Variants in RUNDC3A observed in about 807,000 individuals in gnomAD.
RUNDC3A encodes RUN domain containing 3A.
Under a neutral mutation model 53.9 loss-of-function variants are expected in RUNDC3A, and 28 were observed. The ratio of observed to expected loss-of-function variants is 0.52; its 90% CI spans 0.38 to 0.71. The LOEUF (loss-of-function observed/expected upper bound fraction) is 0.71, where lower values mean the gene tolerates loss of function less well. Ranked by LOEUF, RUNDC3A falls within the 30% of genes least tolerant of loss-of-function variation. RUNDC3A has a pLI of 0.00. For synonymous variants in RUNDC3A, 232 were observed against 249.4 expected, an observed-to-expected ratio of 0.93 and a Z score of 0.66; for missense variants, 491 against 597.3, an observed-to-expected ratio of 0.82 and a Z score of 1.85.
rs1179633207 is a variant in RUNDC3A, at chr17:44,316,584, C to G, written c.1092-35C>G. The G allele has an allele frequency of 4.5e-6, 7 of 1,566,476 alleles. No homozygotes were observed. In the African/African-American group the frequency reaches 9.5e-5, roughly 21 times the overall value. On this transcript the variant is annotated intron_variant, in intron 9 of 10. Transcript: ENST00000426726. ...GGGTCGTCCTGGGGAAGAAGGGCTT[C>G]CTCTACCGGCGCACCAGCTCTCGCT...
intron 1 of RUNDC3A, chr17:44,311,068 C>T (rs980825565): frequency 2.0e-6 from 2 of 985,086 alleles, no homozygotes; most frequent in African/African-American, 1.7e-5. Flanking sequence ...CAGAGGGGCC[C>T]AAGGCCACGT....
chr17:44,314,470 A>C, intron 4 of RUNDC3A: 1 of 1,373,018 alleles, frequency 7.3e-7, no homozygotes, highest in East Asian at 2.7e-5. Flanking sequence ...CCTGATATGA[A>C]GGATCTGGGT....
At chr17:44,317,262 G>C (rs1349289594) in intron 10 of RUNDC3A, 2 of 613,640 alleles carry the variant, frequency 3.3e-6, no homozygotes, top group East Asian at 5.5e-5. Context: ...GACCATGTGA[G>C]CTTGGTCAAT....
At position 44,314,766 on chromosome 17, in the gene RUNDC3A, C is replaced by T; in HGVS notation, c.490C>T (p.Arg164Trp). 1 of 1,609,118 alleles carries T rather than the reference C, an allele frequency of 6.2e-7. No homozygotes were observed. Among genetic ancestry groups the T allele is most frequent in the Non-Finnish European group, 8.5e-7 (1 of 1,178,206 alleles). The change falls in exon 5 of 11, where the codon CGG becomes TGG. Residue 164 changes from arginine (R) to tryptophan (W), a missense_variant. Coordinates refer to ENST00000426726, the MANE Select transcript of RUNDC3A (RefSeq NM_001144825.2). The stretch of plus-strand genomic sequence containing the variant: ...CTATGACTCTGGAGCCATCATGCTG[C>T]GGGATGAAGCCACCATCCTCACCGG... ...RFYDSGAIMLRDEATILTGML... is the reference protein window; with the variant it reads ...RFYDSGAIMLWDEATILTGML...
chr17:44,312,519 C>T (rs2047767213), intron 1 of RUNDC3A, 61 bp from the exon 2 acceptor site: 2 of 945,614 alleles, frequency 2.1e-6, no homozygotes, highest in South Asian at 3.0e-5. Flanking sequence ...CTGTCTCTCC[C>T]TCCATCACCT....
rs1365137699 is a variant in RUNDC3A, at chr17:44,313,450, G to A, written c.405G>A (p.Glu135=). Residue 135 remains glutamate (E), a synonymous_variant, in exon 4 of 11, where the codon GAG becomes GAA. Coordinates refer to ENST00000426726, the MANE Select transcript of RUNDC3A (RefSeq NM_001144825.2). ...GRAWIRVALM[E]KRMSEYITTA... ...CATGGATCCGGGTGGCACTGATGGA[G>A]AAGCGCATGTCAGAATACATCACCA... 6 of 1,613,816 alleles carry A rather than the reference G, an allele frequency of 3.7e-6. No homozygotes were observed. The highest frequency in any genetic ancestry group is 1.3e-5 in the African/African-American group (1 of 74,906).
Position 44,315,256 on chromosome 17 carries a change from A to G in RUNDC3A, c.731A>G (p.Glu244Gly). The G allele has an allele frequency of 6.4e-7, 1 of 1,550,400 alleles. No individual in the cohort carries two copies. The highest frequency in any genetic ancestry group is 8.7e-7 in the Non-Finnish European group (1 of 1,146,752). Residue 244 changes from glutamate to glycine, a missense_variant, in exon 7 of 11, where the codon GAG (glutamate) becomes GGG (glycine). Glu to Gly is a moderately conservative substitution (Grantham distance 98, BLOSUM62 -2). Around this residue, in one of 2 missense-constraint regions of RUNDC3A, gnomAD observed 273 missense variants for 389.0 expected, o/e 0.70. Transcript: ENST00000426726. The surrounding 1 kb of genome is among the most constrained non-coding windows in gnomAD (Gnocchi z 6.1). ...CCGTACCTCCCGCTCGTCACCGATGAGGACAGCTGGTACAGCAAGTGGCAC... is the reference window on the plus strand; with the variant it reads ...CCGTACCTCCCGCTCGTCACCGATGGGGACAGCTGGTACAGCAAGTGGCAC... ...EHPYLPLVTD[E>G]DSWYSKWHKM...
In RUNDC3A at chr17:44,316,433, G is replaced by A; in HGVS notation, c.1002G>A (p.Lys334=). The change falls in exon 9 of 11, where the codon AAG becomes AAA. Residue 334 remains lysine (K), a synonymous_variant. Coordinates refer to ENST00000426726, the MANE Select transcript of RUNDC3A (RefSeq NM_001144825.2). The part of the protein sequence containing the change: ...SDHAPLAQGS[K]ELTTPLVNQW... ...ACGCCCCTCTGGCCCAGGGTTCCAAGGAGCTCACTACACCCCTGGTCAATC... is the reference window on the plus strand; with the variant it reads ...ACGCCCCTCTGGCCCAGGGTTCCAAAGAGCTCACTACACCCCTGGTCAATC... 1 of 1,613,848 alleles carries A rather than the reference G, an allele frequency of 6.2e-7. No homozygotes were observed. Among genetic ancestry groups the A allele is most frequent in the Non-Finnish European group, 8.5e-7 (1 of 1,179,874 alleles).
At position 44,315,736 on chromosome 17, in the gene RUNDC3A, C is replaced by A; in HGVS notation, c.953+127C>A. On this transcript the variant is annotated intron_variant, in intron 8 of 10. Coordinates refer to ENST00000426726, the MANE Select transcript of RUNDC3A (RefSeq NM_001144825.2). The surrounding 1 kb of genome is among the most constrained non-coding windows in gnomAD (Gnocchi z 6.1). ...GAGCACCCACCTCTCCAGCATCAAC[C>A]CTCTGATCCAGCCAGCCCCACCCCG... 1 of 880,600 alleles carries A rather than the reference C, an allele frequency of 1.1e-6. No homozygotes were observed. Among genetic ancestry groups the A allele is most frequent in the Non-Finnish European group, 1.6e-6 (1 of 642,386 alleles). The allele number at this position is 880,600 out of a possible 1,614,324, so 54.5% of individuals were successfully genotyped here. A position where few individuals can be genotyped will look rare whatever the true frequency, so the allele number is the denominator to read the frequency against.
chr17:44,317,830 T>C lies in RUNDC3A; in HGVS notation c.1199-266T>C. ...TGCTTGGAACAGAGCGAGTGCTCAC[T>C]GTGTATTTAATAAATGGACAAAGAG... On this transcript the variant is annotated intron_variant, in intron 10 of 10. Coordinates refer to ENST00000426726, the MANE Select transcript of RUNDC3A (RefSeq NM_001144825.2). 6.7e-6 allele frequency: 4 copies of C among 593,124 alleles called. No individual in the cohort carries two copies. The South Asian group carries it at 8.2e-5, about 12-fold the overall frequency. 36.7% of individuals were successfully genotyped at this position (593,124 alleles called of 1,614,324 possible). A position where few individuals can be genotyped will look rare whatever the true frequency, so the allele number is the denominator to read the frequency against.
intron 10 of RUNDC3A, 56 bp downstream of exon 10, chr17:44,316,781 C>T: frequency 8.7e-7 from 1 of 1,148,906 alleles, no homozygotes; most frequent in Non-Finnish European, 1.2e-6. Context: ...GAGGCAAGGC[C>T]CTGAGGCCTC....
intron 4 of RUNDC3A, 173 bp downstream of exon 4, chr17:44,313,676 C>CTA: frequency 2.6e-6 from 3 of 1,163,106 alleles, no homozygotes; most frequent in Non-Finnish European, 2.2e-6. Context: ...CCAGGACGAA[C>CTA]TCTTTTTTTT....
At chr17:44,310,719 A>G (rs2047733222) in intron 1 of RUNDC3A, 1 of 985,362 alleles carries the variant, frequency 1.0e-6, no homozygotes, top group Non-Finnish European at 1.2e-6. Flanking sequence ...GGAGCACACC[A>G]CAGGGCTCCC....
At chr17:44,313,356 C>T (rs2047787391) in intron 3 of RUNDC3A, 62 bp from the exon 4 acceptor site, 9 of 1,609,718 alleles carry the variant, frequency 5.6e-6, no homozygotes, top group East Asian at 2.2e-5. Flanking sequence ...GAAGGGCCCA[C>T]ACCTGATGCT....
In RUNDC3A at chr17:44,316,620, C is replaced by T; in HGVS notation, c.1093C>T (p.His365Tyr). Residue 365 changes from histidine to tyrosine, a missense_variant and splice_region_variant, in exon 10 of 11, where the codon CAC becomes TAC. Physicochemically the swap from His to Tyr is moderately conservative, Grantham distance 83. Transcript: ENST00000426726. ...GCACCAGCTCTCGCTCTGCCGCAGA[C>T]ACAGCTTCATGAGCACGGAGCCGCT... is the stretch of plus-strand genomic sequence containing the variant. ...GASNSKLYRR[H>Y]SFMSTEPLSA... is the part of the protein sequence containing the mutation. The T allele has an allele frequency of 1.3e-6, 2 of 1,552,206 alleles. No individual in the cohort carries two copies. Among genetic ancestry groups the T allele is most frequent in the Non-Finnish European group, 1.7e-6 (2 of 1,147,692 alleles).
In RUNDC3A at chr17:44,314,980, T is replaced by C. The variant is rs778248313; in HGVS notation, c.600T>C (p.Asp200=). The C allele has an allele frequency of 6.2e-7, 1 of 1,613,818 alleles. No homozygotes were observed. Among genetic ancestry groups the C allele is most frequent in the African/African-American group, 1.3e-5 (1 of 74,922 alleles). ...VLDGKTPVVI[D]YTPYLKFTQS... ...ACGGGAAGACCCCCGTGGTCATCGA[T>C]TACACGCCCTACCTAAAGTTCACGC... Residue 200 remains aspartate (D), a synonymous_variant, in exon 6 of 11, where the codon GAT becomes GAC. Transcript: ENST00000426726.
intron 10 of RUNDC3A, 95 bp downstream of exon 10, chr17:44,316,820 C>CCT: frequency 5.0e-6 from 2 of 397,890 alleles, no homozygotes; most frequent in Non-Finnish European, 8.6e-6. Flanking sequence ...TTCTCTTAGT[C>CCT]TTTTTTTTTT....
In RUNDC3A at chr17:44,312,700, G is replaced by T; in HGVS notation, c.223+5G>T. On this transcript the variant is annotated splice_donor_5th_base_variant and intron_variant, in intron 2 of 10. Transcript: ENST00000426726. ...TCCTCAGCCACCGCTTCAAAGGTGGGCCCAGCGCCCCTCCCCCAGCGGTCC... is the reference window on the plus strand; with the variant it reads ...TCCTCAGCCACCGCTTCAAAGGTGGTCCCAGCGCCCCTCCCCCAGCGGTCC... The T allele has an allele frequency of 1.3e-6, 2 of 1,482,088 alleles. No homozygotes were observed. Among genetic ancestry groups the T allele is most frequent in the Non-Finnish European group, 1.8e-6 (2 of 1,099,758 alleles). 91.8% of individuals were successfully genotyped at this position (1,482,088 alleles called of 1,614,324 possible). A position where few individuals can be genotyped will look rare whatever the true frequency, so the allele number is the denominator to read the frequency against.
rs781713764 is a variant in RUNDC3A, at chr17:44,312,616, G to T, written c.144G>T (p.Ala48=). 6.3e-7 allele frequency: 1 copy of T among 1,582,576 alleles called. No homozygotes were observed. Among genetic ancestry groups the T allele is most frequent in the Non-Finnish European group, 8.6e-7 (1 of 1,164,650 alleles). The change falls in exon 2 of 11, where the codon GCG becomes GCT. Residue 48 remains alanine, a synonymous_variant. Transcript: ENST00000426726. ...AAACGCTGCTGGAGAAGTACACAGC[G>T]GAGCCCATCGATGACTCATCGGAGG... is the stretch of plus-strand genomic sequence containing the variant. ...SVKTLLEKYT[A]EPIDDSSEEF... is the part of the protein sequence containing the mutation.
Sources: allele counts gnomAD v4.1 joint callset, GRCh38; gene constraint gnomAD v4.1.1; regional missense constraint gnomAD v4.1.1; non-coding constraint Gnocchi (gnomAD v3.1); transcripts MANE v1.5; gene names NCBI Gene and HGNC (gene_info 2026-07-23, HGNC 2026-07-21).